Variants in WLS observed in about 807,000 individuals in gnomAD.
WLS encodes Wnt ligand secretion mediator, also known as protein wntless homolog.
A neutral mutation model predicts 62.8 loss-of-function variants in WLS; 23 were observed. That is an observed-to-expected ratio of 0.37 (90% CI 0.26 to 0.52). WLS has a LOEUF of 0.52. WLS is among the 20% of genes least tolerant of loss of function. The probability of loss-of-function intolerance (pLI) is 0.92; values close to 1 mark genes in which losing one functional copy is unlikely to be tolerated. For missense variants in WLS, 615 were observed against 697.3 expected, an observed-to-expected ratio of 0.88 and a Z score of 1.33; for synonymous variants, 246 against 244.1, an observed-to-expected ratio of 1.01 and a Z score of -0.07.
chr1:68,108,808 C>CT (rs532877465), intron 11 of WLS, among the ~76,000 whole-genome samples: 84 of 152,162 alleles, frequency 5.5e-4, no homozygotes, highest in African/African-American at 1.9e-3. Context: ...AAATTGAGAG[C>CT]TTTTCTTATG....
intron 2 of WLS, among the ~76,000 whole-genome samples, chr1:68,191,021 G>C (rs2100595148): frequency 6.8e-6 from 1 of 146,960 alleles, no homozygotes; most frequent in South Asian, 2.1e-4. Context: ...TCGTACCATT[G>C]CACTCCAGCC....
chr1:68,122,190 A>T (rs1646372037), downstream of WLS, among the ~76,000 whole-genome samples: 1 of 152,224 alleles, frequency 6.6e-6, no homozygotes, highest in African/African-American at 2.4e-5. Context: ...GATGAGACCC[A>T]AGACCAGGGT....
intron 2 of WLS, among the ~76,000 whole-genome samples, chr1:68,184,554 A>T (rs1440659572): frequency 6.6e-6 from 1 of 152,014 alleles, no homozygotes; most frequent in Admixed American, 6.6e-5. Context: ...ATACATCCAG[A>T]CTCTAAATGT....
At chr1:68,174,717 G>GCTA (rs1647206832) in intron 2 of WLS, among the ~76,000 whole-genome samples, 1 of 152,068 alleles carries the variant, frequency 6.6e-6, no homozygotes, top group Admixed American at 6.5e-5. Context: ...TTCGGGTCAC[G>GCTA]CTAGCACTGT....
At chr1:68,137,271 G>T (rs1471307021) in intron 11 of WLS, among the ~76,000 whole-genome samples, 4 of 11,712 alleles carry the variant, frequency 3.4e-4, no homozygotes, top group Admixed American at 1.7e-3. Context: ...AGCACTAAAG[G>T]ACAGGAAGAA....
intron 2 of WLS, among the ~76,000 whole-genome samples, chr1:68,179,864 A>G (rs1220608304): frequency 1.3e-5 from 2 of 152,182 alleles, no homozygotes; most frequent in African/African-American, 4.8e-5. Flanking sequence ...AAGTGCTAAT[A>G]AAGGTAGATC....
chr1:68,117,381 T>C (rs1023230247), intron 11 of WLS: 1 of 152,274 alleles, frequency 6.6e-6, no homozygotes, highest in African/African-American at 2.4e-5. Flanking sequence ...GGGGTAACGT[T>C]AGAGCCCTAG....
rs200493170 is a variant in WLS at position 68,126,222 on chromosome 1, C to A, written c.*4G>T. On this transcript the variant is annotated 3_prime_UTR_variant, in exon 12 of 12. Transcript: ENST00000262348. Reference sequence around the variant, plus strand: ...AGACCGTCCCAGCCGGGCGCTGCAGCCTCCTACTCCTGGGCCTCCTTGCGG... The same window carrying A: ...AGACCGTCCCAGCCGGGCGCTGCAGACTCCTACTCCTGGGCCTCCTTGCGG... 23 of 1,613,998 alleles carry A rather than the reference C, an allele frequency of 1.4e-5. No homozygotes were observed. In the South Asian group the frequency reaches 2.3e-4, roughly 16 times the overall value.
intron 1 of WLS, 49 bp downstream of exon 1, chr1:68,232,145 G>A (rs778230873): frequency 1.2e-6 from 2 of 1,611,878 alleles, no homozygotes; most frequent in South Asian, 2.2e-5. Context: ...AGAGGGAAGG[G>A]GCCCGAAAAG....
chr1:68,126,010 G>A lies in WLS; in HGVS notation c.*216C>T. The A allele has an allele frequency of 7.5e-7, 1 of 1,327,152 alleles. No homozygotes were observed. Among genetic ancestry groups the A allele is most frequent in the Non-Finnish European group, 9.7e-7 (1 of 1,032,780 alleles). The allele number at this position is 1,327,152 out of a possible 1,614,324, so 82.2% of individuals were successfully genotyped here. On this transcript the variant is annotated 3_prime_UTR_variant, in exon 12 of 12. Transcript: ENST00000262348. ...GAAAATGTGTCATACCAGAGTTTTT[G>A]TTATCATACACAATGCATTAGTGGC...
chr1:68,155,183 A>C lies in WLS; in HGVS notation c.582T>G (p.Phe194Leu). The change falls in exon 4 of 12, where the codon TTT (phenylalanine) becomes TTG (leucine). Residue 194 changes from phenylalanine (F) to leucine (L), a missense_variant. Phe to Leu is a conservative substitution (Grantham distance 22, BLOSUM62 0). Transcript: ENST00000262348. ...CAGGCAGCCGGATGTTTAAAAGGTA[A>C]AACTTATGGGCCACAGACCCAATTT... ...FMEIGSVAHKFYLLNIRLPVN... is the reference protein window; with the variant it reads ...FMEIGSVAHKLYLLNIRLPVN... 6.2e-7 allele frequency: 1 copy of C among 1,613,978 alleles called. No individual in the cohort carries two copies. Among genetic ancestry groups the C allele is most frequent in the South Asian group, 1.1e-5 (1 of 91,052 alleles).
chr1:68,173,940 TA>T (rs1243708192), intron 2 of WLS, among the ~76,000 whole-genome samples: 3 of 151,952 alleles, frequency 2.0e-5, no homozygotes, highest in East Asian at 1.9e-4. Flanking sequence ...CTGGGGCATT[TA>T]AAAAAAAGTT....
At chr1:68,174,694 A>G (rs956288843) in intron 2 of WLS, among the ~76,000 whole-genome samples, 2 of 152,002 alleles carry the variant, frequency 1.3e-5, no homozygotes, top group African/African-American at 4.8e-5. Flanking sequence ...CCTTAAAATC[A>G]TTGCTCTTTC....
downstream of WLS, among the ~76,000 whole-genome samples, chr1:68,123,752 C>T (rs535591329): frequency 2.1e-3 from 318 of 152,150 alleles, 2 homozygotes; most frequent in Middle Eastern, 0.027. Context: ...AGCCACCTGC[C>T]TAAGACTCCT....
chr1:68,220,708 C>A (rs10493436), intron 1 of WLS, among the ~76,000 whole-genome samples: 41,453 of 151,980 alleles, frequency 0.27, 6,850 homozygotes, highest in East Asian at 0.79. Context: ...ATTTTTATAG[C>A]GTGACTATTT....
intron 8 of WLS, 30 bp from the exon 9 acceptor site, chr1:68,146,042 G>A (rs746167910): frequency 1.7e-5 from 28 of 1,609,354 alleles, no homozygotes; most frequent in Non-Finnish European, 2.2e-5. Flanking sequence ...GAAACAACGG[G>A]CTAGCCAAGG....
At chr1:68,181,301 C>T (rs534162452) in intron 2 of WLS, among the ~76,000 whole-genome samples, 19 of 152,210 alleles carry the variant, frequency 1.2e-4, no homozygotes, top group Non-Finnish European at 2.6e-4. Context: ...CTGCTTCTGG[C>T]TTCTCTGCTC....
intron 11 of WLS, among the ~76,000 whole-genome samples, chr1:68,127,506 G>A (rs1646451618): frequency 6.6e-6 from 1 of 152,146 alleles, no homozygotes; most frequent in African/African-American, 2.4e-5. Context: ...TCTGCTACCT[G>A]CCATAAGACA....
At chr1:68,183,534 T>G (rs1410673477) in intron 2 of WLS, 2 of 533,760 alleles carry the variant, frequency 3.7e-6, no homozygotes, top group Non-Finnish European at 7.7e-6. Flanking sequence ...CAATTCTTGT[T>G]GAAGGCCAAA....
Sources: allele counts gnomAD v4.1 joint callset (sites outside exome capture counted in the v4.1 genomes callset), GRCh38; gene constraint gnomAD v4.1.1; transcripts MANE v1.5; gene names NCBI Gene and HGNC (gene_info 2026-07-23, HGNC 2026-07-21).